Variants in LINGO1 observed in about 807,000 individuals in gnomAD.
LINGO1 encodes leucine-rich repeat and immunoglobulin-like domain-containing nogo receptor-interacting protein 1.
LINGO1 carries 11 observed loss-of-function variants against 37.3 expected under a neutral mutation model. The observed-to-expected ratio is 0.29, with a 90% CI of 0.19 to 0.49. The LOEUF (loss-of-function observed/expected upper bound fraction) is 0.49, where lower values mean the gene tolerates loss of function less well. Among genes scored for constraint, LINGO1 ranks in the 20% least tolerant of loss-of-function variants. LINGO1 has a pLI of 0.99. For synonymous variants in LINGO1, 387 were observed against 403.0 expected, an observed-to-expected ratio of 0.96 and a Z score of 0.48; for missense variants, 585 against 878.2, an observed-to-expected ratio of 0.67 and a Z score of 4.22.
chr15:77,617,063 G>A (rs781733329), intron 1 of LINGO1, among the ~76,000 whole-genome samples: 12 of 152,122 alleles, frequency 7.9e-5, no homozygotes, highest in Admixed American at 7.9e-4. Context: ...CTACAGCACC[G>A]AGGCTTGTTC....
intron 1 of LINGO1, among the ~76,000 whole-genome samples, chr15:77,816,138 A>G (rs976024829): frequency 2.4e-4 from 36 of 151,924 alleles, no homozygotes; most frequent in African/African-American, 8.7e-4. Flanking sequence ...CCACTCCCCC[A>G]CTGAGCCTCT....
chr15:77,654,656 C>G (rs2074830018), intron 3 of LINGO1, among the ~76,000 whole-genome samples: 1 of 152,042 alleles, frequency 6.6e-6, no homozygotes, highest in African/African-American at 2.4e-5. Context: ...GGAGAGAGAC[C>G]TGGAGAGGTC....
At chr15:77,633,170 G>A (rs544285497), upstream of LINGO1, among the ~76,000 whole-genome samples, 24 of 151,922 alleles carry the variant, frequency 1.6e-4, no homozygotes, top group African/African-American at 4.8e-4. Context: ...CTCTGCACAC[G>A]GCCGCGCCCC....
intron 1 of LINGO1, among the ~76,000 whole-genome samples, chr15:77,805,738 C>T (rs1182902099): frequency 6.6e-6 from 1 of 152,170 alleles, no homozygotes; most frequent in Non-Finnish European, 1.5e-5. Flanking sequence ...CATGCGTTTC[C>T]TGCCGGGCCC....
intron 3 of LINGO1, chr15:77,641,685 CCCCGTCT>C (rs1433829709): frequency 2.7e-6 from 1 of 366,196 alleles, no homozygotes; most frequent in Non-Finnish European, 5.4e-6. Context: ...TGGCCCCACA[CCCCGTCT>C]CCCACCATCT....
At chr15:77,675,562 C>CAT (rs1479012070) in intron 3 of LINGO1, among the ~76,000 whole-genome samples, 1 of 151,968 alleles carries the variant, frequency 6.6e-6, no homozygotes, top group Non-Finnish European at 1.5e-5. Flanking sequence ...TTTTAAAATA[C>CAT]GTTGATAAGT....
At chr15:77,757,585 A>G (rs545157957) in intron 1 of LINGO1, among the ~76,000 whole-genome samples, 1 of 152,338 alleles carries the variant, frequency 6.6e-6, no homozygotes, top group South Asian at 2.1e-4. Context: ...TCATGGTCTC[A>G]TGGTATTTTC....
At chr15:77,722,910 G>T (rs968445358) in intron 2 of LINGO1, among the ~76,000 whole-genome samples, 5 of 152,156 alleles carry the variant, frequency 3.3e-5, no homozygotes, top group African/African-American at 1.2e-4. Flanking sequence ...CAGCAGCAGG[G>T]CTGTGGAAAG....
rs561464812 is a variant in LINGO1 at position 77,704,603 on chromosome 15, G to A, written c.-194-13702C>T. ...TGACCCTGGTCAGACACTGAACCCC[G>A]ACCCTGGTCACAAGCTGAGCTCTGA... On this transcript the variant is annotated intron_variant, in intron 2 of 3. Transcript: ENST00000561686. Among the ~76,000 whole-genome samples the A allele has an allele frequency of 2.7e-5, 4 of 149,934 alleles. No homozygotes were observed. In the East Asian group the frequency reaches 5.9e-4, roughly 22 times the overall value.
intron 2 of LINGO1, among the ~76,000 whole-genome samples, chr15:77,793,693 T>C (rs1162169677): frequency 6.6e-6 from 1 of 152,184 alleles, no homozygotes; most frequent in Admixed American, 6.5e-5. Flanking sequence ...GGCTGAAACA[T>C]TACACTGCCA....
chr15:77,703,854 GC>G (rs1384561217), intron 2 of LINGO1, among the ~76,000 whole-genome samples: 1 of 152,052 alleles, frequency 6.6e-6, no homozygotes, highest in African/African-American at 2.4e-5. Flanking sequence ...GGAAGTTTTG[GC>G]TTAAGTAAGG....
At chr15:77,687,562 G>A (rs2075533104) in intron 2 of LINGO1, among the ~76,000 whole-genome samples, 2 of 152,220 alleles carry the variant, frequency 1.3e-5, no homozygotes, top group South Asian at 4.1e-4. Flanking sequence ...TGCCCTAGCA[G>A]AAGTGGCTCG....
chr15:77,679,704 A>G (rs1295747295), intron 2 of LINGO1, among the ~76,000 whole-genome samples: 1 of 152,206 alleles, frequency 6.6e-6, no homozygotes, highest in African/African-American at 2.4e-5. Context: ...GTCCTTGGCC[A>G]AGCCCTAAAT....
At chr15:77,781,609 G>C (rs1349415779) in intron 1 of LINGO1, among the ~76,000 whole-genome samples, 1 of 152,214 alleles carries the variant, frequency 6.6e-6, no homozygotes, top group Non-Finnish European at 1.5e-5. Flanking sequence ...TGCCTCAGAA[G>C]GAAGCAGCTC....
At chr15:77,742,164 C>G (rs2141350300) in intron 1 of LINGO1, among the ~76,000 whole-genome samples, 1 of 152,344 alleles carries the variant, frequency 6.6e-6, no homozygotes, top group African/African-American at 2.4e-5. Context: ...CCCCACAAGC[C>G]TAGCTCAGAC....
intron 3 of LINGO1, among the ~76,000 whole-genome samples, chr15:77,668,515 T>G (rs962966204): frequency 3.3e-5 from 5 of 152,100 alleles, no homozygotes; most frequent in African/African-American, 1.2e-4. Context: ...CAGGCGTGCA[T>G]ACCCCTATTC....
chr15:77,664,162 TGTGTGTGTGC>T (rs1222176544), intron 3 of LINGO1, among the ~76,000 whole-genome samples: 30 of 113,142 alleles, frequency 2.7e-4, no homozygotes, highest in African/African-American at 7.0e-4. Context: ...TGTGTGTGTG[TGTGTGTGTGC>T]GCGCGCGCAT....
chr15:77,727,403 C>T (rs2076112799), intron 2 of LINGO1, among the ~76,000 whole-genome samples: 1 of 152,170 alleles, frequency 6.6e-6, no homozygotes, highest in African/African-American at 2.4e-5. Flanking sequence ...GACTATTTTT[C>T]AGCCTTAAAA....
At chr15:77,754,252 G>T (rs1461411563) in intron 1 of LINGO1, among the ~76,000 whole-genome samples, 2 of 150,278 alleles carry the variant, frequency 1.3e-5, no homozygotes, top group African/African-American at 2.5e-5. Flanking sequence ...GAGGGAGTGA[G>T]GGGGGAAGGG....
Sources: allele counts gnomAD v4.1 joint callset (sites outside exome capture counted in the v4.1 genomes callset), GRCh38; gene constraint gnomAD v4.1.1; transcripts MANE v1.5; gene names NCBI Gene and HGNC (gene_info 2026-07-23, HGNC 2026-07-21).